The following ZBTB46 variants were observed in gnomAD, a reference collection of about 807,000 sequenced individuals.
ZBTB46 encodes zinc finger and BTB domain-containing protein 46.
A neutral mutation model predicts 44.1 loss-of-function variants in ZBTB46; 8 were observed. The observed-to-expected ratio is 0.18, with a 90% CI of 0.11 to 0.33. The LOEUF is 0.33. ZBTB46 is among the 10% of genes least tolerant of loss of function. The probability of loss-of-function intolerance (pLI) is 1.00; values close to 1 mark genes in which losing one functional copy is unlikely to be tolerated. For synonymous variants in ZBTB46, 409 were observed against 382.3 expected (o/e 1.07, Z -0.81); for missense variants, 651 against 847.7 (o/e 0.77, Z 2.88).
Position 63,752,858 on chromosome 20 carries a change from T to G in ZBTB46, c.1226A>C (p.Asn409Thr), listed in dbSNP as rs1414391061. The G allele has an allele frequency of 1.2e-6, 2 of 1,600,386 alleles. No individual in the cohort carries two copies. Among genetic ancestry groups the G allele is most frequent in the African/African-American group, 2.7e-5 (2 of 74,576 alleles). The part of the protein sequence containing the change: ...LPRGAHSLSL[N>T]EFTVIRKKFK... ...CTTCTTCCTGATCACCGTGAACTCA[T>G]TCACTGAAAGAGAGGGACCCGCGAG... Residue 409 changes from asparagine (N) to threonine (T), a missense_variant, in exon 4 of 5, where the codon AAT becomes ACT. Physicochemically the swap from Asn to Thr is moderately conservative, Grantham distance 65 (BLOSUM62 0). This residue lies in a region of ZBTB46 where 385 missense variants were observed against 423.3 expected (regional missense o/e 0.91). Transcript: ENST00000245663. This position sits in a 1 kb window ranked among gnomAD's most constrained non-coding sequence, Gnocchi z 5.6.
intron 1 of ZBTB46, among the ~76,000 whole-genome samples, chr20:63,806,666 C>T (rs1362437180): frequency 3.3e-5 from 5 of 151,916 alleles, no homozygotes; most frequent in Admixed American, 1.3e-4. Flanking sequence ...TGGAGTGCAA[C>T]GGTGCGACCT....
At chr20:63,814,545 C>G (rs115384950) in intron 1 of ZBTB46, among the ~76,000 whole-genome samples, 1,613 of 152,276 alleles carry the variant, frequency 0.011, 24 homozygotes, top group African/African-American at 0.036. Flanking sequence ...GGCCCAAGAC[C>G]TGCCTCTGCA....
chr20:63,790,932 T>A, intron 1 of ZBTB46, 142 bp from the exon 2 acceptor site: 2 of 1,235,480 alleles, frequency 1.6e-6, no homozygotes, highest in Non-Finnish European at 2.2e-6. Flanking sequence ...TCCACAGGTG[T>A]GCAGCGGGAG....
At chr20:63,829,604 C>A (rs543610405) in intron 1 of ZBTB46, among the ~76,000 whole-genome samples, 56 of 152,346 alleles carry the variant, frequency 3.7e-4, no homozygotes, top group African/African-American at 1.1e-3. Flanking sequence ...ACTCCTCAGT[C>A]CTTTCTGCAG....
intron 4 of ZBTB46, among the ~76,000 whole-genome samples, chr20:63,751,979 C>A (rs565002275): frequency 2.0e-5 from 3 of 152,290 alleles, no homozygotes; most frequent in African/African-American, 7.2e-5. Flanking sequence ...AGCAGCCCCA[C>A]CTCTGCCCGG....
Position 63,813,799 on chromosome 20 carries a change from C to T in ZBTB46, c.-34+17298G>A, listed in dbSNP as rs139452314. ...CAAGTAAAGCCACAGTGAAAATGTG[C>T]AGGCCACAGTCAAGAACGCTGAGCC... On this transcript the variant is annotated intron_variant, in intron 1 of 4. Coordinates refer to ENST00000245663, the MANE Select transcript of ZBTB46 (RefSeq NM_001369741.1). 3.9e-5 allele frequency among the ~76,000 whole-genome samples: 6 copies of T among 152,342 alleles called. No homozygotes were observed. In the East Asian group the frequency reaches 1.2e-3, roughly 29 times the overall value.
At position 63,787,508 on chromosome 20, in the gene ZBTB46, G is replaced by GCACC. The variant is rs2092525561; in HGVS notation, c.937+2309_937+2312dup. 6.6e-6 allele frequency among the ~76,000 whole-genome samples: 1 copy of GCACC among 152,168 alleles called. No homozygotes were observed. The highest frequency in any genetic ancestry group is 2.1e-4 in the South Asian group (1 of 4,828). On this transcript the variant is annotated intron_variant, in intron 2 of 4. Coordinates refer to ENST00000245663, the MANE Select transcript of ZBTB46 (RefSeq NM_001369741.1). The surrounding 1 kb of genome is among the most constrained non-coding windows in gnomAD (Gnocchi z 4.6). Reference sequence around the variant, plus strand: ...TTATCTTGTATACCCTATTTTTACAGCACCCTTTCTATGTTTAGACACACA... The same window carrying GCACC: ...TTATCTTGTATACCCTATTTTTACAGCACCCACCCTTTCTATGTTTAGACACACA...
At chr20:63,809,535 G>A (rs1268288735) in intron 1 of ZBTB46, among the ~76,000 whole-genome samples, 1 of 152,142 alleles carries the variant, frequency 6.6e-6, no homozygotes, top group Admixed American at 6.5e-5. Context: ...CAGGAGCTCC[G>A]CGACCTCCCT....
At chr20:63,777,552 A>G (rs546712016) in intron 2 of ZBTB46, among the ~76,000 whole-genome samples, 1 of 152,352 alleles carries the variant, frequency 6.6e-6, no homozygotes, top group Non-Finnish European at 1.5e-5. Context: ...AGAGTGTAAC[A>G]TGGTGCCCTC....
chr20:63,830,599 C>G (rs1325418885), intron 1 of ZBTB46, among the ~76,000 whole-genome samples: 2 of 150,114 alleles, frequency 1.3e-5, no homozygotes, highest in East Asian at 4.0e-4. Context: ...GCGGGCGGCT[C>G]CGGGTGCGGC....
chr20:63,758,943 G>A (rs2092250065), intron 3 of ZBTB46, among the ~76,000 whole-genome samples: 1 of 152,100 alleles, frequency 6.6e-6, no homozygotes, highest in African/African-American at 2.4e-5. Context: ...GTGTTAGCCA[G>A]GATGGTCTCA....
At chr20:63,817,083 CAACAAGAGCGA>C (rs2092763030) in intron 1 of ZBTB46, among the ~76,000 whole-genome samples, 1 of 150,712 alleles carries the variant, frequency 6.6e-6, no homozygotes, top group Admixed American at 6.6e-5. Context: ...CCAGCCTGGG[CAACAAGAGCGA>C]AACTCAGTCT....
intron 1 of ZBTB46, among the ~76,000 whole-genome samples, chr20:63,793,465 C>A (rs994679563): frequency 6.6e-6 from 1 of 152,112 alleles, no homozygotes; most frequent in Non-Finnish European, 1.5e-5. Context: ...CTGGGGGGTC[C>A]ACAAGTGACA....
chr20:63,831,338 G>GC (rs1258646841), upstream of ZBTB46: 8 of 137,980 alleles, frequency 5.8e-5, no homozygotes, highest in Non-Finnish European at 1.1e-4. Flanking sequence ...CCCTGACCCC[G>GC]CCCCCCGGCG....
At chr20:63,798,685 A>AAAAAAACAAAAAAAAAAAC (rs2092621606) in intron 1 of ZBTB46, among the ~76,000 whole-genome samples, 1 of 127,888 alleles carries the variant, frequency 7.8e-6, no homozygotes, top group Non-Finnish European at 1.7e-5. Context: ...AAAAAAAAAA[A>AAAAAAACAAAAAAAAAAAC]AAAAAAAATT....
intron 1 of ZBTB46, among the ~76,000 whole-genome samples, chr20:63,797,473 G>T (rs925466060): frequency 6.6e-6 from 1 of 152,154 alleles, no homozygotes; most frequent in Admixed American, 6.6e-5. Flanking sequence ...ACGTGTGCAT[G>T]TGTCTTTATA....
chr20:63,772,304 C>A (rs1202101929), intron 3 of ZBTB46, among the ~76,000 whole-genome samples: 1 of 152,068 alleles, frequency 6.6e-6, no homozygotes, highest in African/African-American at 2.4e-5. Flanking sequence ...CCCAAAAGGG[C>A]AAATTCTTAC....
intron 3 of ZBTB46, chr20:63,768,069 T>G: frequency 1.0e-6 from 1 of 985,390 alleles, no homozygotes; most frequent in Non-Finnish European, 1.2e-6. Flanking sequence ...CTGCCCTCAC[T>G]CACCTGGGAT....
chr20:63,822,682 C>T (rs902968628), intron 1 of ZBTB46, among the ~76,000 whole-genome samples: 6 of 152,070 alleles, frequency 3.9e-5, no homozygotes, highest in South Asian at 4.1e-4. Flanking sequence ...CCGGCAAGCA[C>T]GAAAACATGA....
Sources: allele counts gnomAD v4.1 joint callset (sites outside exome capture counted in the v4.1 genomes callset), GRCh38; gene constraint gnomAD v4.1.1; regional missense constraint gnomAD v4.1.1; non-coding constraint Gnocchi (gnomAD v3.1); transcripts MANE v1.5; gene names NCBI Gene and HGNC (gene_info 2026-07-23, HGNC 2026-07-21).